The following ZFP69B variants were observed in gnomAD, a reference collection of about 807,000 sequenced individuals.
ZFP69B encodes the protein zinc finger protein 69 homolog B.
In ZFP69B, 20 loss-of-function variants were observed where a neutral mutation model predicts 19.7. The ratio of observed to expected loss-of-function variants is 1.02; its 90% CI spans 0.71 to 1.48. ZFP69B has a LOEUF of 1.48. Among genes scored for constraint, ZFP69B ranks in the 40% most tolerant of loss-of-function variants. The pLI, the probability that ZFP69B is intolerant of heterozygous loss-of-function variation, is 0.00. For synonymous variants in ZFP69B, 220 were observed against 222.7 expected, an observed-to-expected ratio of 0.99 and a Z score of 0.11; for missense variants, 583 against 632.6, an observed-to-expected ratio of 0.92 and a Z score of 0.84.
At position 40,457,452 on chromosome 1, in the gene ZFP69B, C is replaced by T; in HGVS notation, c.436+13C>T. 1 of 1,609,494 alleles carries T rather than the reference C, an allele frequency of 6.2e-7. No homozygotes were observed. Among genetic ancestry groups the T allele is most frequent in the Non-Finnish European group, 8.5e-7 (1 of 1,176,048 alleles). On this transcript the variant is annotated intron_variant, in intron 4 of 4. Coordinates refer to ENST00000361584, the MANE Select transcript of ZFP69B (RefSeq NM_023070.3). The stretch of plus-strand genomic sequence containing the variant: ...GTTCCAAGTTCAGGTAAGTGCAAGG[C>T]AGGTGGGGCCTTTGTGATGTTAGCC...
chr1:40,462,951 A>G lies in ZFP69B; in HGVS notation c.967A>G (p.Ile323Val). 6.2e-7 allele frequency: 1 copy of G among 1,614,092 alleles called. No individual in the cohort carries two copies. Among genetic ancestry groups the G allele is most frequent in the Non-Finnish European group, 8.5e-7 (1 of 1,180,022 alleles). ...AGCCTTTAGCCAAAGTTCATCTCTT[A>G]TTCCGCATCAGAGAATTCATACTGG... ...GKAFSQSSSL[I>V]PHQRIHTGEK... The change falls in exon 5 of 5, where the codon ATT (isoleucine) becomes GTT (valine). Residue 323 changes from isoleucine to valine, a missense_variant. Ile to Val is a conservative substitution (Grantham distance 29). Transcript: ENST00000361584.
chr1:40,457,239 C>G, intron 3 of ZFP69B, 105 bp from the exon 4 acceptor site: 1 of 1,485,062 alleles, frequency 6.7e-7, no homozygotes, highest in Non-Finnish European at 9.3e-7. Flanking sequence ...TCTTTCTACT[C>G]TACTCTGCTT....
Position 40,454,220 on chromosome 1 carries a change from G to C in ZFP69B, c.145G>C (p.Ala49Pro), listed in dbSNP as rs761311558. 1.2e-6 allele frequency: 2 copies of C among 1,603,608 alleles called. No homozygotes were observed. Among genetic ancestry groups the C allele is most frequent in the Non-Finnish European group, 1.7e-6 (2 of 1,174,170 alleles). Residue 49 changes from alanine to proline, a missense_variant, in exon 2 of 5, where the codon GCT (alanine) becomes CCT (proline). Transcript: ENST00000361584. ...FKAEALLSQDADETQGESLES... is the reference protein window; with the variant it reads ...FKAEALLSQDPDETQGESLES... ...TTCCCCAGCTCTGCTGTCTCAGGAT[G>C]CTGATGAGACCCAGGGCGAAAGTTT...
intron 2 of ZFP69B, among the ~76,000 whole-genome samples, chr1:40,455,777 C>A (rs1176734832): frequency 1.3e-5 from 2 of 152,126 alleles, no homozygotes; most frequent in Non-Finnish European, 2.9e-5. Context: ...CCCTGACAGG[C>A]CCTGGTGTGT....
At position 40,463,169 on chromosome 1, in the gene ZFP69B, C is replaced by T; in HGVS notation, c.1185C>T (p.Asp395=). 1.9e-6 allele frequency: 3 copies of T among 1,614,108 alleles called. No homozygotes were observed. Among genetic ancestry groups the T allele is most frequent in the Middle Eastern group, 1.6e-4 (1 of 6,062 alleles). ...HVREKPFTCK[D]CGKAFFQIRH... ...GAGAGAAACCTTTTACATGCAAAGA[C>T]TGTGGAAAAGCGTTTTTCCAGATTA... The change falls in exon 5 of 5, where the codon GAC becomes GAT. Residue 395 remains aspartate, a synonymous_variant. Coordinates refer to ENST00000361584, the MANE Select transcript of ZFP69B (RefSeq NM_023070.3).
rs548981075 is a variant in ZFP69B at position 40,462,671 on chromosome 1, G to A, written c.687G>A (p.Glu229=). 10 of 1,614,112 alleles carry A rather than the reference G, an allele frequency of 6.2e-6. No homozygotes were observed. The highest frequency in any genetic ancestry group is 4.0e-5 in the African/African-American group (3 of 75,050). Residue 229 remains glutamate (E), a synonymous_variant, in exon 5 of 5, where the codon GAG becomes GAA. Coordinates refer to ENST00000361584, the MANE Select transcript of ZFP69B (RefSeq NM_023070.3). ...QERGQESNRF[E]KRINVKSEVM... ...GAGGCCAAGAGTCTAATAGATTTGAGAAAAGAATTAATGTGAAGTCAGAAG... is the reference window on the plus strand; with the variant it reads ...GAGGCCAAGAGTCTAATAGATTTGAAAAAAGAATTAATGTGAAGTCAGAAG...
In ZFP69B at chr1:40,463,078, G is replaced by A; in HGVS notation, c.1094G>A (p.Cys365Tyr). ...RIHTGEKPYE[C>Y]RVCEKAFSQS... ...CATACCGGGGAAAAGCCCTATGAAT[G>A]TAGGGTATGTGAGAAAGCCTTCAGC... The change falls in exon 5 of 5, where the codon TGT becomes TAT. Residue 365 changes from cysteine (C) to tyrosine (Y), a missense_variant. By Grantham distance (194) the Cys-to-Tyr change is radical. Coordinates refer to ENST00000361584, the MANE Select transcript of ZFP69B (RefSeq NM_023070.3). The A allele has an allele frequency of 6.2e-7, 1 of 1,614,202 alleles. No individual in the cohort carries two copies. The highest frequency in any genetic ancestry group is 1.1e-5 in the South Asian group (1 of 91,088).
rs1314340844 is a variant in ZFP69B at position 40,462,456 on chromosome 1, T to A, written c.472T>A (p.Leu158Ile). 1 of 1,609,836 alleles carries A rather than the reference T, an allele frequency of 6.2e-7. No individual in the cohort carries two copies. The highest frequency in any genetic ancestry group is 1.1e-5 in the South Asian group (1 of 89,758). The change falls in exon 5 of 5, where the codon TTA becomes ATA. Residue 158 changes from leucine (L) to isoleucine (I), a missense_variant. Physicochemically the swap from Leu to Ile is conservative, Grantham distance 5 (BLOSUM62 2). Coordinates refer to ENST00000361584, the MANE Select transcript of ZFP69B (RefSeq NM_023070.3). ...KSKTKTKESA[L>I]QNDISWEELH... ...CAAAACAAAAACCAAAGAGTCAGCC[T>A]TACAGAATGATATTTCGTGGGAAGA... is the stretch of plus-strand genomic sequence containing the variant.
Position 40,454,538 on chromosome 1 carries a change from A to G in ZFP69B, c.213+250A>G, listed in dbSNP as rs111250865. Among the ~76,000 whole-genome samples, 1,471 of 152,176 alleles carry G rather than the reference A, an allele frequency of 9.7e-3. 20 individuals are homozygous for G. The highest frequency in any genetic ancestry group is 0.034 in the African/African-American group (1,411 of 41,522). On this transcript the variant is annotated intron_variant, in intron 2 of 4. Transcript: ENST00000361584. ...CTCAGCCTCCCGAGTAGCTGGGACT[A>G]CAGGTGCCCACCACCACACCTGGCT...
At chr1:40,458,112 A>T (rs1394362072) in intron 4 of ZFP69B, among the ~76,000 whole-genome samples, 2 of 152,220 alleles carry the variant, frequency 1.3e-5, no homozygotes, top group African/African-American at 4.8e-5. Flanking sequence ...CTTACACATG[A>T]GGAAAAGGAG....
At chr1:40,456,367 A>T (rs1209594691) in intron 2 of ZFP69B, among the ~76,000 whole-genome samples, 2 of 152,178 alleles carry the variant, frequency 1.3e-5, no homozygotes, top group East Asian at 3.8e-4. Flanking sequence ...ATTTTTAAAA[A>T]ATAATTGTCA....
chr1:40,457,101 C>T lies in ZFP69B; in HGVS notation c.340+30C>T, dbSNP rs371338766. The T allele has an allele frequency of 2.5e-4, 391 of 1,582,660 alleles. 1 individual carries two copies. In the Middle Eastern group the frequency reaches 2.9e-3, roughly 12 times the overall value. On this transcript the variant is annotated intron_variant, in intron 3 of 4. Coordinates refer to ENST00000361584, the MANE Select transcript of ZFP69B (RefSeq NM_023070.3). The stretch of plus-strand genomic sequence containing the variant: ...GGATGGGCTCCTCTTGAAAATAGAA[C>T]GTACCTATTGGATGAAAACCTTTGT...
At chr1:40,457,557 C>G (rs1645245651) in intron 4 of ZFP69B, 118 bp downstream of exon 4, 2 of 733,238 alleles carry the variant, frequency 2.7e-6, no homozygotes, top group Non-Finnish European at 4.5e-6. Flanking sequence ...AAAGTTGATT[C>G]TGTTATCTCT....
chr1:40,457,579 C>G, intron 4 of ZFP69B, 140 bp downstream of exon 4: 1 of 657,026 alleles, frequency 1.5e-6, no homozygotes, highest in East Asian at 2.7e-5. Context: ...TCACCCTTTT[C>G]CCACACTTCC....
intron 4 of ZFP69B, among the ~76,000 whole-genome samples, chr1:40,458,302 A>C (rs771347479): frequency 6.6e-6 from 1 of 151,912 alleles, no homozygotes; most frequent in Non-Finnish European, 1.5e-5. Flanking sequence ...CTAGTTTAAT[A>C]ATTTTTGTCT....
At chr1:40,455,024 A>G (rs559429525) in intron 2 of ZFP69B, among the ~76,000 whole-genome samples, 12 of 152,330 alleles carry the variant, frequency 7.9e-5, no homozygotes, top group African/African-American at 2.6e-4. Context: ...TATACACTTC[A>G]TTGATGACCT....
upstream of ZFP69B, chr1:40,450,153 C>A (rs150653691): frequency 8.7e-3 from 1,330 of 152,384 alleles, 13 homozygotes; most frequent in Admixed American, 0.013. Flanking sequence ...AAGGCGGGGG[C>A]GTGCCGGCCC....
Position 40,457,405 on chromosome 1 carries a change from G to T in ZFP69B, c.402G>T (p.Leu134=). The change falls in exon 4 of 5, where the codon CTG becomes CTT. Residue 134 remains leucine (L), a synonymous_variant. Transcript: ENST00000361584. The part of the protein sequence containing the change: ...SQLEKGEEPW[L]MERDISGVPS... ...TGGAGAAAGGAGAAGAACCATGGCT[G>T]ATGGAGAGAGATATTTCAGGAGTTC... 1.2e-6 allele frequency: 2 copies of T among 1,614,186 alleles called. No homozygotes were observed. Among genetic ancestry groups the T allele is most frequent in the Non-Finnish European group, 1.7e-6 (2 of 1,180,024 alleles).
intron 2 of ZFP69B, among the ~76,000 whole-genome samples, chr1:40,456,499 T>TTC (rs1210729008): frequency 2.0e-5 from 3 of 152,238 alleles, no homozygotes; most frequent in Non-Finnish European, 2.9e-5. Context: ...AAATGTGCTG[T>TTC]TCTCTCATAC....
Sources: gnomAD v4.1 joint callset for allele counts (sites outside exome capture counted in the v4.1 genomes callset) on GRCh38, gnomAD v4.1.1 for gene constraint, MANE v1.5 for transcripts, NCBI Gene and HGNC (gene_info 2026-07-23, HGNC 2026-07-21) for gene names.